The following CD86 variants were observed in gnomAD, a reference collection of about 807,000 sequenced individuals.
CD86 encodes T-lymphocyte activation antigen CD86.
Under a neutral mutation model 32.1 loss-of-function variants are expected in CD86, and 11 were observed. The ratio of observed to expected loss-of-function variants is 0.34; its 90% CI spans 0.22 to 0.57. The LOEUF is 0.57. Ranked by LOEUF, CD86 falls within the 20% of genes least tolerant of loss-of-function variation. CD86 has a pLI of 0.86. For synonymous variants in CD86, 137 were observed against 135.3 expected (o/e 1.01, Z -0.09); for missense variants, 359 against 398.4 (o/e 0.90, Z 0.84).
intron 2 of CD86, among the ~76,000 whole-genome samples, chr3:122,094,590 C>G (rs1232716491): frequency 6.6e-6 from 1 of 152,200 alleles, no homozygotes; most frequent in Admixed American, 6.5e-5. Context: ...GAACAGTGAC[C>G]TAGCCACAGG....
At chr3:122,065,538 G>A (rs2072400805) in intron 1 of CD86, among the ~76,000 whole-genome samples, 1 of 152,178 alleles carries the variant, frequency 6.6e-6, no homozygotes, top group Non-Finnish European at 1.5e-5. Context: ...GGTAACAACT[G>A]GTGAATCTGG....
chr3:122,063,739 G>A (rs1376761299), intron 1 of CD86, among the ~76,000 whole-genome samples: 1 of 151,872 alleles, frequency 6.6e-6, no homozygotes, highest in Admixed American at 6.6e-5. Context: ...TGTATTTTTA[G>A]TAGAGACACA....
At chr3:122,101,513 A>AAAAATATATAT (rs1202377219) in intron 2 of CD86, among the ~76,000 whole-genome samples, 9 of 46,336 alleles carry the variant, frequency 1.9e-4, no homozygotes, top group Non-Finnish European at 2.5e-4. Flanking sequence ...AAAAAAAAAA[A>AAAAATATATAT]ATATATATAT....
Position 122,084,092 on chromosome 3 carries a change from T to A in CD86, c.15-7509T>A, listed in dbSNP as rs1166314671. Among the ~76,000 whole-genome samples, 3 of 152,294 alleles carry A rather than the reference T, an allele frequency of 2.0e-5. No homozygotes were observed. In the East Asian group the frequency reaches 5.8e-4, roughly 29 times the overall value. On this transcript the variant is annotated intron_variant, in intron 1 of 6. Transcript: ENST00000330540. Reference sequence around the variant, plus strand: ...AGCTCTGCCTCCCAGGTTCAAGTGATTCTCCTGCCTCAGCCTCCTGAGTAG... The same window carrying A: ...AGCTCTGCCTCCCAGGTTCAAGTGAATCTCCTGCCTCAGCCTCCTGAGTAG...
chr3:122,082,969 G>T (rs2072655274), intron 1 of CD86, among the ~76,000 whole-genome samples: 1 of 152,196 alleles, frequency 6.6e-6, no homozygotes, highest in African/African-American at 2.4e-5. Context: ...TGAGTCAAAT[G>T]AATAAATGAA....
chr3:122,112,133 C>A (rs1205660296), intron 5 of CD86, among the ~76,000 whole-genome samples: 10 of 152,048 alleles, frequency 6.6e-5, no homozygotes, highest in Non-Finnish European at 1.5e-4. Flanking sequence ...AAAATAGCTC[C>A]CCCTGAAATT....
intron 2 of CD86, among the ~76,000 whole-genome samples, chr3:122,101,812 G>C (rs989814576): frequency 6.6e-6 from 1 of 152,028 alleles, no homozygotes. Context: ...GAAGCCTCAG[G>C]TTTGCCTTGT....
rs534649786 is a variant in CD86 at position 122,085,435 on chromosome 3, G to A, written c.15-6166G>A. ...GCTGTTCATTCTGCAAACACTGCTC[G>A]AATACCCACTGTGTGCCAGGTACAG... On this transcript the variant is annotated intron_variant, in intron 1 of 6. Transcript: ENST00000330540. Among the ~76,000 whole-genome samples the A allele has an allele frequency of 1.5e-4, 23 of 152,278 alleles. No homozygotes were observed. In the South Asian group the frequency reaches 3.5e-3, roughly 23 times the overall value.
intron 1 of CD86, chr3:122,086,706 C>G (rs985398556): frequency 3.0e-5 from 13 of 434,030 alleles, no homozygotes; most frequent in Non-Finnish European, 5.2e-5. Flanking sequence ...GGCAGAAACC[C>G]TCTTGATGCA....
chr3:122,094,256 G>A (rs544785151), intron 2 of CD86, among the ~76,000 whole-genome samples: 25 of 152,308 alleles, frequency 1.6e-4, no homozygotes, highest in Admixed American at 3.9e-4. Flanking sequence ...AAGTAAAGCC[G>A]AGACACTCTA....
chr3:122,103,428 T>C (rs2073041063), intron 2 of CD86, 84 bp from the exon 3 acceptor site: 1 of 817,622 alleles, frequency 1.2e-6, no homozygotes. Flanking sequence ...TAAGATAGTA[T>C]CTGGGTATTG....
chr3:122,066,737 G>A (rs1291241395), intron 1 of CD86, among the ~76,000 whole-genome samples: 1 of 152,150 alleles, frequency 6.6e-6, no homozygotes, highest in Non-Finnish European at 1.5e-5. Context: ...TCCACCCTGG[G>A]CCTGTTACTA....
At chr3:122,108,356 G>A (rs1355493177) in intron 4 of CD86, among the ~76,000 whole-genome samples, 3 of 152,206 alleles carry the variant, frequency 2.0e-5, no homozygotes, top group Non-Finnish European at 2.9e-5. Flanking sequence ...TTTACTGGGA[G>A]TGCCAAACTG....
chr3:122,105,287 G>A (rs564281856), intron 3 of CD86, among the ~76,000 whole-genome samples: 6 of 152,258 alleles, frequency 3.9e-5, no homozygotes, highest in Admixed American at 2.6e-4. Flanking sequence ...AGCTAAACAC[G>A]GTCTGGCAAT....
intron 1 of CD86, among the ~76,000 whole-genome samples, chr3:122,083,412 C>T (rs1394226538): frequency 6.6e-6 from 1 of 152,200 alleles, no homozygotes; most frequent in Non-Finnish European, 1.5e-5. Flanking sequence ...TGCCCTCCTG[C>T]CTCAGCGCCT....
chr3:122,082,666 C>T (rs547947391), intron 1 of CD86, among the ~76,000 whole-genome samples: 123 of 152,352 alleles, frequency 8.1e-4, no homozygotes, highest in African/African-American at 2.9e-3. Flanking sequence ...CCTGTGTCCA[C>T]TTCTTCCTCT....
intron 1 of CD86, among the ~76,000 whole-genome samples, chr3:122,078,471 T>C (rs2072585408): frequency 6.6e-6 from 1 of 152,166 alleles, no homozygotes; most frequent in African/African-American, 2.4e-5. Flanking sequence ...TTCCTCCTCT[T>C]GCAGCCTCTC....
intron 1 of CD86, among the ~76,000 whole-genome samples, chr3:122,085,718 C>A (rs115461934): frequency 4.6e-5 from 7 of 151,942 alleles, no homozygotes; most frequent in African/African-American, 1.7e-4. Context: ...GGTGGGACAG[C>A]GGAATGCAGA....
chr3:122,113,831 T>C (rs1341842626), intron 5 of CD86, among the ~76,000 whole-genome samples: 1 of 152,190 alleles, frequency 6.6e-6, no homozygotes. Context: ...GATACTGTCT[T>C]CAAATATCTG....
Sources: allele counts gnomAD v4.1 joint callset (sites outside exome capture counted in the v4.1 genomes callset), GRCh38; gene constraint gnomAD v4.1.1; transcripts MANE v1.5; gene names NCBI Gene and HGNC (gene_info 2026-07-23, HGNC 2026-07-21).